The following C4orf51 variants were observed in gnomAD, a reference collection of about 807,000 sequenced individuals.
C4orf51 encodes the protein chromosome 4 open reading frame 51.
In C4orf51, 25 loss-of-function variants were observed where a neutral mutation model predicts 25.2. The ratio of observed to expected loss-of-function variants is 0.99; its 90% CI spans 0.72 to 1.39. C4orf51 has a LOEUF of 1.39. Ranked by LOEUF, C4orf51 falls within the 40% of genes most tolerant of loss-of-function variation. The pLI is 0.00. For missense variants in C4orf51, 252 were observed against 239.6 expected (o/e 1.05, Z -0.34); for synonymous variants, 100 against 84.5 (o/e 1.18, Z -1.01).
intron 2 of C4orf51, among the ~76,000 whole-genome samples, chr4:145,718,211 A>G (rs1226628038): frequency 1.3e-5 from 2 of 152,222 alleles, no homozygotes; most frequent in Admixed American, 6.5e-5. Context: ...CACTACAAGG[A>G]GGTGTTATGT....
chr4:145,686,827 T>C (rs1416775846), intron 1 of C4orf51, among the ~76,000 whole-genome samples: 1 of 152,174 alleles, frequency 6.6e-6, no homozygotes, highest in African/African-American at 2.4e-5. Flanking sequence ...GAAGCACTGA[T>C]TAATGTATGT....
At position 145,729,959 on chromosome 4, in the gene C4orf51, A is replaced by T; in HGVS notation, c.495A>T (p.Leu165=). ...ACAGTCGACGAGGGAAAGGTGTCCT[A>T]AAGCATGTAAGAATCTTTTTACTTG... The part of the protein sequence containing the change: ...INYSRRGKGV[L]KHLHGRCDSE... The change falls in exon 5 of 6, where the codon CTA becomes CTT. Residue 165 remains leucine, a synonymous_variant. Coordinates refer to ENST00000438731, the MANE Select transcript of C4orf51 (RefSeq NM_001080531.3). The T allele has an allele frequency of 2.5e-6, 4 of 1,613,816 alleles. No individual in the cohort carries two copies. The Admixed American group carries it at 6.7e-5, about 27-fold the overall frequency.
Position 145,680,165 on chromosome 4 carries a change from G to A in C4orf51, c.-39G>A. 7.1e-7 allele frequency: 1 copy of A among 1,415,810 alleles called. No individual in the cohort carries two copies. Among genetic ancestry groups the A allele is most frequent in the Non-Finnish European group, 1.0e-6 (1 of 999,986 alleles). The allele number at this position is 1,415,810 out of a possible 1,614,324, so 87.7% of individuals were successfully genotyped here. ...GAAATTAATTCTTCATTATGCAGAG[G>A]ACTTGACAAGTTGTTTTCCAGAGAG... On this transcript the variant is annotated 5_prime_UTR_variant, in exon 1 of 6. Coordinates refer to ENST00000438731, the MANE Select transcript of C4orf51 (RefSeq NM_001080531.3).
At chr4:145,716,770 T>G (rs190101518) in intron 2 of C4orf51, among the ~76,000 whole-genome samples, 2 of 152,228 alleles carry the variant, frequency 1.3e-5, no homozygotes, top group African/African-American at 4.8e-5. Flanking sequence ...TTGCCTTGGA[T>G]GATCACTATT....
At chr4:145,758,165 GA>G (rs1734098103), downstream of C4orf51, 1 of 152,020 alleles carries the variant, frequency 6.6e-6, no homozygotes, top group African/African-American at 2.4e-5. Flanking sequence ...TTCTCACTCA[GA>G]AAACTTTTAT....
downstream of C4orf51, among the ~76,000 whole-genome samples, chr4:145,734,436 G>A (rs1046731320): frequency 3.3e-5 from 5 of 152,130 alleles, no homozygotes; most frequent in African/African-American, 1.2e-4. Flanking sequence ...GAAGAGACCT[G>A]GGCATCAAGA....
intron 2 of C4orf51, among the ~76,000 whole-genome samples, chr4:145,718,211 A>C (rs1226628038): frequency 6.6e-6 from 1 of 152,222 alleles, no homozygotes; most frequent in Admixed American, 6.5e-5. Context: ...CACTACAAGG[A>C]GGTGTTATGT....
intron 1 of C4orf51, among the ~76,000 whole-genome samples, chr4:145,691,599 A>G (rs1729565719): frequency 6.6e-6 from 1 of 152,248 alleles, no homozygotes; most frequent in South Asian, 2.1e-4. Flanking sequence ...ACACCATGGA[A>G]TACTACACAG....
At chr4:145,750,414 T>C (rs1371964318) in intron 1 of C4orf51, among the ~76,000 whole-genome samples, 4 of 1,428 alleles carry the variant, frequency 2.8e-3, no homozygotes, top group East Asian at 0.12. Context: ...GGGTAAAAGT[T>C]TTTTTTTTTT....
chr4:145,771,725 T>C (rs1373197082), downstream of C4orf51, among the ~76,000 whole-genome samples: 2 of 152,016 alleles, frequency 1.3e-5, no homozygotes, highest in East Asian at 1.9e-4. Context: ...CATAAGAAAA[T>C]GTGAGAAAGC....
intron 1 of C4orf51, among the ~76,000 whole-genome samples, chr4:145,683,844 T>C (rs1019844341): frequency 3.3e-5 from 5 of 152,202 alleles, no homozygotes; most frequent in Non-Finnish European, 2.9e-5. Flanking sequence ...GCAATGGCAA[T>C]GATATTTTAG....
chr4:145,690,130 C>T (rs1174944403), intron 1 of C4orf51, among the ~76,000 whole-genome samples: 4 of 150,536 alleles, frequency 2.7e-5, no homozygotes, highest in Non-Finnish European at 5.9e-5. Context: ...TCACTTGAAC[C>T]CGGGAGGCGG....
chr4:145,770,160 G>A (rs577517302), intron 1 of C4orf51, among the ~76,000 whole-genome samples: 4 of 152,152 alleles, frequency 2.6e-5, no homozygotes, highest in African/African-American at 4.8e-5. Context: ...TAAGCTGGGC[G>A]TGGTGCCCCA....
chr4:145,764,916 G>T, intron 1 of C4orf51: 1 of 1,604,046 alleles, frequency 6.2e-7, no homozygotes, highest in South Asian at 1.1e-5. Context: ...TTCACGGGAA[G>T]GGACGGGGTA....
intron 1 of C4orf51, chr4:145,764,950 A>C: frequency 6.2e-7 from 1 of 1,608,536 alleles, no homozygotes; most frequent in East Asian, 2.2e-5. Context: ...GGTATTTAAT[A>C]ACAACGCAGT....
At chr4:145,744,105 C>T (rs1286356217) in intron 1 of C4orf51, among the ~76,000 whole-genome samples, 2 of 151,940 alleles carry the variant, frequency 1.3e-5, no homozygotes, top group Non-Finnish European at 1.5e-5. Context: ...TTATCAGCTG[C>T]CAACACACGA....
At chr4:145,744,113 C>T (rs569241065) in intron 1 of C4orf51, among the ~76,000 whole-genome samples, 3 of 151,632 alleles carry the variant, frequency 2.0e-5, no homozygotes, top group Non-Finnish European at 4.4e-5. Context: ...TGCCAACACA[C>T]GATTTTCCAT....
At chr4:145,790,401 A>G in the C4orf51 span, among the ~76,000 whole-genome samples, 61,117 of 152,052 alleles carry the variant, frequency 0.4, 13,988 homozygotes, top group Non-Finnish European at 0.54. Context: ...ATACTCTAAT[A>G]TTCTAGAAAT....
downstream of C4orf51, among the ~76,000 whole-genome samples, chr4:145,736,632 T>C (rs1423672931): frequency 6.6e-6 from 1 of 152,174 alleles, no homozygotes; most frequent in Non-Finnish European, 1.5e-5. Context: ...GGACTCAATA[T>C]TTGCTCTCCA....
Sources: allele counts gnomAD v4.1 joint callset (sites outside exome capture counted in the v4.1 genomes callset), GRCh38; gene constraint gnomAD v4.1.1; transcripts MANE v1.5; gene names NCBI Gene and HGNC (gene_info 2026-07-23, HGNC 2026-07-21).